Variants in ST3GAL3 observed in about 807,000 individuals in gnomAD.
The protein encoded by ST3GAL3 is CMP-N-acetylneuraminate-beta-1,4-galactoside alpha-2,3-sialyltransferase.
In ST3GAL3, 21 loss-of-function variants were observed where a neutral mutation model predicts 50.1. The observed-to-expected ratio is 0.42, with a 90% CI of 0.30 to 0.60. The LOEUF is 0.60. Ranked by LOEUF, ST3GAL3 falls within the 20% of genes least tolerant of loss-of-function variation. The pLI is 0.19. For missense variants in ST3GAL3, 353 were observed against 489.4 expected, an observed-to-expected ratio of 0.72 and a Z score of 2.63; for synonymous variants, 183 against 190.0, an observed-to-expected ratio of 0.96 and a Z score of 0.30.
chr1:43,889,186 AAAG>A lies in ST3GAL3; in HGVS notation c.303-5193_303-5191del, dbSNP rs892847835. Among the ~76,000 whole-genome samples, 16 of 137,512 alleles carry A rather than the reference AAAG, an allele frequency of 1.2e-4. No homozygotes were observed. In the South Asian group the frequency reaches 1.2e-3, roughly 10 times the overall value. 90.2% of individuals were successfully genotyped at this position (137,512 alleles called of 152,430 possible). Reference sequence around the variant, plus strand: ...ATACTGTGTTACATTTTTAGTGAATAAAGAAGGGAACAGGAATACACACACACA... The same window carrying A: ...ATACTGTGTTACATTTTTAGTGAATAAAGGGAACAGGAATACACACACACA... On this transcript the variant is annotated intron_variant, in intron 5 of 11. Transcript: ENST00000347631.
intron 5 of ST3GAL3, chr1:43,841,750 T>C (rs1217736613): frequency 6.6e-6 from 1 of 152,252 alleles, no homozygotes; most frequent in African/African-American, 2.4e-5. Context: ...TGCAAATGTC[T>C]CTAGCAAGTG....
chr1:43,928,323 G>A (rs189187212), intron 11 of ST3GAL3, among the ~76,000 whole-genome samples: 91 of 152,186 alleles, frequency 6.0e-4, no homozygotes, highest in African/African-American at 1.8e-3. Flanking sequence ...GTTATTGGCC[G>A]GGCACGATGG....
chr1:43,728,997 C>CA (rs1357551630), intron 1 of ST3GAL3, among the ~76,000 whole-genome samples: 1 of 152,086 alleles, frequency 6.6e-6, no homozygotes, highest in Admixed American at 6.5e-5. Context: ...TCAAGTGCTC[C>CA]TCCCACTGCA....
chr1:43,929,874 C>CT (rs2084759398), intron 11 of ST3GAL3: 1 of 544,454 alleles, frequency 1.8e-6, no homozygotes, highest in South Asian at 1.8e-5. Context: ...GGTTGGGAAG[C>CT]TTAACGGTTT....
intron 9 of ST3GAL3, among the ~76,000 whole-genome samples, chr1:43,900,394 CT>C (rs1311583565): frequency 2.6e-5 from 4 of 152,220 alleles, no homozygotes; most frequent in Non-Finnish European, 4.4e-5. Context: ...GGGCCCATTT[CT>C]TTAGGGAGCT....
intron 4 of ST3GAL3, among the ~76,000 whole-genome samples, chr1:43,817,187 GA>G (rs960807433): frequency 1.3e-5 from 2 of 152,034 alleles, no homozygotes; most frequent in Admixed American, 6.5e-5. Context: ...TTTCCTTTAT[GA>G]AAAAATGTGG....
chr1:43,759,950 CAAAA>C lies in ST3GAL3; in HGVS notation c.118+23575_118+23578del, dbSNP rs913373526. On this transcript the variant is annotated intron_variant, in intron 2 of 11. Transcript: ENST00000347631. ...TGAGCAACATAGTGAGAACCCATCT[CAAAA>C]AAAATGTGGTGATGAAATGGGAAAA... Among the ~76,000 whole-genome samples, 3 of 151,742 alleles carry C rather than the reference CAAAA, an allele frequency of 2.0e-5. No individual in the cohort carries two copies. The East Asian group carries it at 5.8e-4, about 29-fold the overall frequency.
chr1:43,756,100 C>CAAAAAAAAAAAAA (rs139101819), intron 2 of ST3GAL3, among the ~76,000 whole-genome samples: 4 of 72,134 alleles, frequency 5.5e-5, no homozygotes, highest in African/African-American at 2.9e-4. Context: ...GAACCAGTCT[C>CAAAAAAAAAAAAA]AAAAAAAAAA....
chr1:43,787,370 G>A (rs1484306218), intron 2 of ST3GAL3, among the ~76,000 whole-genome samples: 5 of 152,214 alleles, frequency 3.3e-5, no homozygotes, highest in East Asian at 1.9e-4. Flanking sequence ...AAGTTTTCCC[G>A]TTAGCTGTCA....
At chr1:43,917,890 G>C (rs1553137201) in intron 9 of ST3GAL3, among the ~76,000 whole-genome samples, 1 of 149,254 alleles carries the variant, frequency 6.7e-6, no homozygotes, top group Non-Finnish European at 1.5e-5. Flanking sequence ...GGCTGGTCTT[G>C]AACTCCTGAC....
At chr1:43,883,536 G>A (rs548513778) in intron 5 of ST3GAL3, among the ~76,000 whole-genome samples, 1 of 152,360 alleles carries the variant, frequency 6.6e-6, no homozygotes, top group East Asian at 1.9e-4. Context: ...GGCCAGCCCT[G>A]CAGTGCTGAT....
chr1:43,837,265 A>C (rs2064506704), intron 4 of ST3GAL3, among the ~76,000 whole-genome samples: 1 of 152,220 alleles, frequency 6.6e-6, no homozygotes, highest in Non-Finnish European at 1.5e-5. Flanking sequence ...AATCACTCCC[A>C]GTGAAGCTGA....
chr1:43,717,619 T>A (rs2154067339), intron 1 of ST3GAL3, among the ~76,000 whole-genome samples: 1 of 151,726 alleles, frequency 6.6e-6, no homozygotes, highest in Admixed American at 6.6e-5. Context: ...CACCTTAGCC[T>A]CCTGAATTGC....
intron 4 of ST3GAL3, chr1:43,824,711 G>A (rs765231944): frequency 6.2e-7 from 1 of 1,613,854 alleles, no homozygotes; most frequent in Non-Finnish European, 8.5e-7. Context: ...GACTGAAAAA[G>A]CCAAATTCCC....
intron 5 of ST3GAL3, among the ~76,000 whole-genome samples, chr1:43,877,334 C>T (rs575559399): frequency 6.6e-5 from 10 of 152,286 alleles, no homozygotes; most frequent in South Asian, 2.1e-4. Context: ...CATCTAGCCA[C>T]GTGGGTGCAG....
chr1:43,758,330 A>C (rs988349446), intron 2 of ST3GAL3, among the ~76,000 whole-genome samples: 1 of 152,164 alleles, frequency 6.6e-6, no homozygotes, highest in African/African-American at 2.4e-5. Context: ...AGTTCACTGC[A>C]ACCTCAAAGT....
At chr1:43,871,115 C>T (rs991202405) in intron 5 of ST3GAL3, among the ~76,000 whole-genome samples, 2 of 152,166 alleles carry the variant, frequency 1.3e-5, no homozygotes, top group Non-Finnish European at 2.9e-5. Context: ...TCAGGCCATT[C>T]CAGAAGGGAG....
At chr1:43,898,044 T>C (rs2077646851) in intron 6 of ST3GAL3, among the ~76,000 whole-genome samples, 191 bp from the exon 7 acceptor site, 1 of 152,186 alleles carries the variant, frequency 6.6e-6, no homozygotes, top group African/African-American at 2.4e-5. Flanking sequence ...CCTGTCTGTT[T>C]CCTGCCATCA....
intron 4 of ST3GAL3, among the ~76,000 whole-genome samples, chr1:43,833,266 G>T (rs2063789506): frequency 1.3e-5 from 2 of 152,160 alleles, no homozygotes; most frequent in African/African-American, 2.4e-5. Context: ...GTAACCAACT[G>T]ATTTCAGTCC....
Sources: allele counts gnomAD v4.1 joint callset (sites outside exome capture counted in the v4.1 genomes callset), GRCh38; gene constraint gnomAD v4.1.1; transcripts MANE v1.5; gene names NCBI Gene and HGNC (gene_info 2026-07-23, HGNC 2026-07-21).